ADAMTSL3: variants seen among roughly 807,000 people sequenced by gnomAD.
The protein encoded by ADAMTSL3 is ADAMTS like 3, also known as ADAMTS-like protein 3.
In ADAMTSL3, 128 loss-of-function variants were observed where a neutral mutation model predicts 201.7. That is an observed-to-expected ratio of 0.63 (90% CI 0.55 to 0.73). The LOEUF (loss-of-function observed/expected upper bound fraction) is 0.73, where lower values mean the gene tolerates loss of function less well. Ranked by LOEUF, ADAMTSL3 falls within the 30% of genes least tolerant of loss-of-function variation. ADAMTSL3 has a pLI of 0.00. For missense variants in ADAMTSL3, 1,990 were observed against 2,119.6 expected, an observed-to-expected ratio of 0.94 and a Z score of 1.20; for synonymous variants, 738 against 748.4, an observed-to-expected ratio of 0.99 and a Z score of 0.23.
intron 7 of ADAMTSL3, among the ~76,000 whole-genome samples, chr15:83,852,477 A>G (rs910895220): frequency 6.6e-6 from 1 of 152,198 alleles, no homozygotes; most frequent in Non-Finnish European, 1.5e-5. Flanking sequence ...GACTCATATC[A>G]ATGAGCATTT....
intron 20 of ADAMTSL3, among the ~76,000 whole-genome samples, chr15:83,975,666 A>G (rs182643404): frequency 1.3e-5 from 2 of 152,220 alleles, no homozygotes; most frequent in African/African-American, 4.8e-5. Flanking sequence ...TCTGAATGAC[A>G]TGTCTGTTCA....
intron 7 of ADAMTSL3, among the ~76,000 whole-genome samples, chr15:83,850,186 T>C (rs1333393186): frequency 2.0e-5 from 3 of 152,062 alleles, no homozygotes; most frequent in African/African-American, 4.8e-5. Context: ...TTCCTCCCGC[T>C]ACGGAGGCAC....
chr15:83,899,800 A>G, intron 15 of ADAMTSL3, 69 bp downstream of exon 15: 21 of 1,552,942 alleles, frequency 1.4e-5, no homozygotes, highest in Non-Finnish European at 1.7e-5. Context: ...TAATTTTTGT[A>G]CTCATTGGAG....
At chr15:83,657,131 C>T (rs186227259) in intron 2 of ADAMTSL3, among the ~76,000 whole-genome samples, 166 of 152,310 alleles carry the variant, frequency 1.1e-3, no homozygotes, top group African/African-American at 3.8e-3. Context: ...TGGAGACTTA[C>T]GTTTCTGTCT....
At chr15:83,680,228 A>G (rs186245618) in intron 2 of ADAMTSL3, among the ~76,000 whole-genome samples, 88 of 152,158 alleles carry the variant, frequency 5.8e-4, no homozygotes, top group African/African-American at 2.0e-3. Flanking sequence ...GAACATATGG[A>G]ATGTGAAAGG....
At position 83,955,864 on chromosome 15, in the gene ADAMTSL3, C is replaced by CA. The variant is rs79579424; in HGVS notation, c.2490+12784dup. Among the ~76,000 whole-genome samples the CA allele has an allele frequency of 1.1e-3, 168 of 152,174 alleles. 1 individual carries two copies. The East Asian group carries it at 0.024, about 22-fold the overall frequency. The stretch of plus-strand genomic sequence containing the variant: ...AAGGAAGGAGTTGCTTTCATTGCTA[C>CA]AAGCTGTGCTGCTTGGGGTTGAGGG... On this transcript the variant is annotated intron_variant, in intron 19 of 29. Transcript: ENST00000286744.
rs532242512 is a variant in ADAMTSL3, at chr15:83,668,769, T to C, written c.69+12939T>C. 2.6e-5 allele frequency among the ~76,000 whole-genome samples: 4 copies of C among 152,300 alleles called. No homozygotes were observed. In the East Asian group the frequency reaches 7.7e-4, roughly 29 times the overall value. ...TCTGTTTCTTGCTATTTTTAAAAAT[T>C]TGTGTGCATCAATCTTGTGAACATT... is the stretch of plus-strand genomic sequence containing the variant. On this transcript the variant is annotated intron_variant, in intron 2 of 29. Transcript: ENST00000286744.
At chr15:83,667,432 T>A (rs2061263765) in intron 2 of ADAMTSL3, among the ~76,000 whole-genome samples, 1 of 152,100 alleles carries the variant, frequency 6.6e-6, no homozygotes, top group Non-Finnish European at 1.5e-5. Flanking sequence ...TCTCAAAACT[T>A]TGTAAAACAA....
At chr15:83,712,469 G>A (rs1398091581) in intron 3 of ADAMTSL3, among the ~76,000 whole-genome samples, 1 of 152,170 alleles carries the variant, frequency 6.6e-6, no homozygotes, top group African/African-American at 2.4e-5. Context: ...AGTCCCTACT[G>A]CTACTTCCTG....
At chr15:83,700,721 G>A (rs981644019) in intron 2 of ADAMTSL3, among the ~76,000 whole-genome samples, 15 of 152,094 alleles carry the variant, frequency 9.9e-5, no homozygotes, top group South Asian at 2.1e-4. Context: ...CTGAAATCAC[G>A]TCACTCAATT....
At chr15:83,733,898 A>G (rs2062325871) in intron 3 of ADAMTSL3, among the ~76,000 whole-genome samples, 1 of 152,182 alleles carries the variant, frequency 6.6e-6, no homozygotes, top group African/African-American at 2.4e-5. Context: ...TTGGACATCA[A>G]CCACAAAATG....
At chr15:83,734,634 T>TCTGG (rs61188887) in intron 3 of ADAMTSL3, among the ~76,000 whole-genome samples, 3,335 of 152,250 alleles carry the variant, frequency 0.022, 122 homozygotes, top group African/African-American at 0.074. Context: ...TGTAGCCATT[T>TCTGG]CTGGGAGGGT....
intron 26 of ADAMTSL3, among the ~76,000 whole-genome samples, chr15:84,023,000 C>T (rs1020463876): frequency 6.6e-6 from 1 of 152,150 alleles, no homozygotes; most frequent in Non-Finnish European, 1.5e-5. Flanking sequence ...GTAAATCACG[C>T]CTTATGTTAT....
rs962535538 is a variant in ADAMTSL3, at chr15:83,897,783, CT to C, written c.1468-72del. 5 of 1,474,452 alleles carry C rather than the reference CT, an allele frequency of 3.4e-6. No individual in the cohort carries two copies. The African/African-American group carries it at 7.0e-5, about 21-fold the overall frequency. The allele number at this position is 1,474,452 out of a possible 1,614,324, so 91.3% of individuals were successfully genotyped here. The stretch of plus-strand genomic sequence containing the variant: ...ACATTTATGTAGTTCAATGGCTCTC[CT>C]TTGCATTCGATAAAATAATGCCTTT... On this transcript the variant is annotated intron_variant, in intron 13 of 29. Coordinates refer to ENST00000286744, the MANE Select transcript of ADAMTSL3 (RefSeq NM_207517.3).
intron 20 of ADAMTSL3, among the ~76,000 whole-genome samples, chr15:83,978,372 C>T (rs1225690848): frequency 6.6e-6 from 1 of 152,084 alleles, no homozygotes. Flanking sequence ...TGGCATTTCT[C>T]ACATTTAGCA....
intron 10 of ADAMTSL3, among the ~76,000 whole-genome samples, chr15:83,888,765 T>A (rs2065447375): frequency 6.6e-6 from 1 of 152,188 alleles, no homozygotes; most frequent in Non-Finnish European, 1.5e-5. Flanking sequence ...CCATTTGGAT[T>A]TTCATTCTTG....
At chr15:83,987,765 A>C (rs1019106665) in intron 21 of ADAMTSL3, among the ~76,000 whole-genome samples, 3 of 152,216 alleles carry the variant, frequency 2.0e-5, no homozygotes, top group Non-Finnish European at 2.9e-5. Context: ...ATGAAGTGAC[A>C]GGAAATAAAG....
At chr15:83,700,540 G>C (rs1326385511) in intron 2 of ADAMTSL3, among the ~76,000 whole-genome samples, 2 of 152,218 alleles carry the variant, frequency 1.3e-5, no homozygotes, top group African/African-American at 4.8e-5. Flanking sequence ...AAGGCGGGCA[G>C]GTCGCCTGAG....
At chr15:83,909,524 T>G in intron 15 of ADAMTSL3, among the ~76,000 whole-genome samples, 1 of 152,216 alleles carries the variant, frequency 6.6e-6, no homozygotes, top group East Asian at 1.9e-4. Context: ...CTTAGTCCCT[T>G]AAAATTGTGC....
Sources: gnomAD v4.1 joint callset for allele counts (sites outside exome capture counted in the v4.1 genomes callset) on GRCh38, gnomAD v4.1.1 for gene constraint, MANE v1.5 for transcripts, NCBI Gene and HGNC (gene_info 2026-07-23, HGNC 2026-07-21) for gene names.